Variants in HMGN5 observed in about 807,000 individuals in gnomAD.
HMGN5 encodes high mobility group nucleosome-binding domain-containing protein 5.
In HMGN5, 4 loss-of-function variants were observed where a neutral mutation model predicts 9.5. The ratio of observed to expected loss-of-function variants is 0.42; its 90% CI spans 0.21 to 0.96. The LOEUF is 0.96. HMGN5 is among the 40% of genes least tolerant of loss of function. The pLI is 0.30. For synonymous variants in HMGN5, 55 were observed against 57.1 expected, an observed-to-expected ratio of 0.96 and a Z score of 0.16; for missense variants, 192 against 187.5, an observed-to-expected ratio of 1.02 and a Z score of -0.14.
At chrX:81,136,651 G>A (rs2075311817) in intron 1 of HMGN5, among the ~76,000 whole-genome samples, 1 of 111,827 alleles carries the variant, frequency 8.9e-6, no homozygotes, top group African/African-American at 3.2e-5. Flanking sequence ...ATGAGAGCCA[G>A]AGGAAACAAA....
intron 1 of HMGN5, among the ~76,000 whole-genome samples, chrX:81,140,042 C>G (rs1244808011): frequency 8.9e-6 from 1 of 111,924 alleles, no homozygotes; most frequent in Non-Finnish European, 1.9e-5. Flanking sequence ...CATCAGCCCT[C>G]CCCTAACCCC....
At chrX:81,167,923 C>G (rs2075415702) in intron 1 of HMGN5, among the ~76,000 whole-genome samples, 1 of 111,722 alleles carries the variant, frequency 9.0e-6, no homozygotes, top group South Asian at 3.7e-4. Flanking sequence ...ACATTAAATA[C>G]ACTGTGAAAC....
At position 81,154,386 on chromosome X, in the gene HMGN5, C is replaced by T. The variant is rs766785521; in HGVS notation, c.-123-32714G>A. ...ATCAAAATGGATTAAAGACTTAAAT[C>T]TGACCCTTCAAGCTGTGAAACTAAT... On this transcript the variant is annotated intron_variant, in intron 1 of 6. Transcript: ENST00000358130. 8.1e-5 allele frequency among the ~76,000 whole-genome samples: 9 copies of T among 111,348 alleles called. No homozygotes were observed. The South Asian group carries it at 3.4e-3, about 42-fold the overall frequency.
intron 1 of HMGN5, among the ~76,000 whole-genome samples, chrX:81,196,783 G>T (rs371747841): frequency 8.1e-5 from 9 of 110,536 alleles, no homozygotes; most frequent in African/African-American, 3.0e-4. Flanking sequence ...CTCATGATCT[G>T]CCCATCTCAG....
At chrX:81,194,433 A>G (rs1358958577) in intron 1 of HMGN5, among the ~76,000 whole-genome samples, 4 of 112,167 alleles carry the variant, frequency 3.6e-5, no homozygotes, top group African/African-American at 6.5e-5. Context: ...ATAGAAAAAT[A>G]GAAAAAGTTC....
At chrX:81,155,380 G>C (rs935160694) in intron 1 of HMGN5, among the ~76,000 whole-genome samples, 30 of 107,460 alleles carry the variant, frequency 2.8e-4, no homozygotes, top group African/African-American at 1.0e-3. Flanking sequence ...ATGTAAAATG[G>C]CACAGCCACT....
intron 1 of HMGN5, among the ~76,000 whole-genome samples, chrX:81,152,376 CA>C (rs1190023478): frequency 9.0e-6 from 1 of 111,226 alleles, no homozygotes; most frequent in African/African-American, 3.3e-5. Context: ...TTTATGCAGC[CA>C]AAAAACACAT....
At chrX:81,145,158 C>T (rs1422836712) in intron 1 of HMGN5, among the ~76,000 whole-genome samples, 3 of 111,597 alleles carry the variant, frequency 2.7e-5, no homozygotes, top group African/African-American at 9.8e-5. Context: ...ACAACACAAA[C>T]ATTTTCCTCA....
At chrX:81,175,205 C>A (rs763936321) in intron 1 of HMGN5, among the ~76,000 whole-genome samples, 1 of 111,918 alleles carries the variant, frequency 8.9e-6, no homozygotes, top group Non-Finnish European at 1.9e-5. Context: ...TTATGCGAAA[C>A]CAGTGTTACT....
chrX:81,156,892 T>C (rs2075384602), intron 1 of HMGN5, among the ~76,000 whole-genome samples: 1 of 111,114 alleles, frequency 9.0e-6, no homozygotes, highest in African/African-American at 3.3e-5. Flanking sequence ...ACTGATACTA[T>C]CAGTTGTTTA....
intron 2 of HMGN5, among the ~76,000 whole-genome samples, chrX:81,120,357 T>A (rs769390012): frequency 9.0e-6 from 1 of 111,236 alleles, no homozygotes; most frequent in Non-Finnish European, 1.9e-5. Flanking sequence ...CCGCCGATTT[T>A]AAAACTTCCC....
chrX:81,130,669 C>T (rs2075295921), intron 1 of HMGN5, among the ~76,000 whole-genome samples: 1 of 110,536 alleles, frequency 9.0e-6, no homozygotes, highest in Non-Finnish European at 1.9e-5. Context: ...ACCCTGCCAT[C>T]GTGCCTCCAA....
At chrX:81,120,281 C>A (rs2075265167) in intron 2 of HMGN5, among the ~76,000 whole-genome samples, 1 of 111,525 alleles carries the variant, frequency 9.0e-6, no homozygotes, top group African/African-American at 3.3e-5. Flanking sequence ...AGAATTACAG[C>A]CCCCACAGTG....
intron 1 of HMGN5, among the ~76,000 whole-genome samples, chrX:81,158,760 A>G (rs1358659633): frequency 1.8e-5 from 2 of 111,780 alleles, no homozygotes; most frequent in Non-Finnish European, 3.8e-5. Context: ...CCTGAATGGT[A>G]TTGCCTAGAT....
chrX:81,172,852 C>A (rs187723271), intron 1 of HMGN5, among the ~76,000 whole-genome samples: 8 of 110,919 alleles, frequency 7.2e-5, no homozygotes, highest in Non-Finnish European at 1.1e-4. Context: ...AAATACTCAA[C>A]CTTACTCATA....
At chrX:81,155,075 G>GTATA (rs761895749) in intron 1 of HMGN5, among the ~76,000 whole-genome samples, 1,449 of 68,878 alleles carry the variant, frequency 0.021, 33 homozygotes, top group African/African-American at 0.056. Flanking sequence ...GTATATATCA[G>GTATA]TATATATATA....
chrX:81,136,654 G>A (rs777394386), intron 1 of HMGN5, among the ~76,000 whole-genome samples: 3 of 111,614 alleles, frequency 2.7e-5, no homozygotes, highest in East Asian at 5.6e-4. Flanking sequence ...AGAGCCAGAG[G>A]AAACAAACGG....
intron 1 of HMGN5, among the ~76,000 whole-genome samples, chrX:81,171,100 C>G (rs745868148): frequency 5.6e-4 from 62 of 111,458 alleles, no homozygotes; most frequent in Admixed American, 4.9e-3. Flanking sequence ...GCTATTGAGA[C>G]TCAGGAGAAT....
chrX:81,134,646 A>G (rs1344305695), intron 1 of HMGN5, among the ~76,000 whole-genome samples: 1 of 111,522 alleles, frequency 9.0e-6, no homozygotes, highest in Non-Finnish European at 1.9e-5. Flanking sequence ...TGGAAATTAA[A>G]TTAAAGGGAC....
Sources: gnomAD v4.1 joint callset for allele counts (sites outside exome capture counted in the v4.1 genomes callset) on GRCh38, gnomAD v4.1.1 for gene constraint, MANE v1.5 for transcripts, NCBI Gene and HGNC (gene_info 2026-07-23, HGNC 2026-07-21) for gene names.